PEA15: variants seen among roughly 807,000 people sequenced by gnomAD.
PEA15 encodes the protein astrocytic phosphoprotein PEA-15.
For missense variants in PEA15, 77 were observed against 161.3 expected (o/e 0.48, Z 2.83); for synonymous variants, 60 against 61.8 (o/e 0.97, Z 0.13).
At chr1:160,211,762 C>G in intron 2 of PEA15, 46 bp downstream of exon 2, 1 of 1,565,424 alleles carries the variant, frequency 6.4e-7, no homozygotes, top group Non-Finnish European at 8.7e-7. Flanking sequence ...CATTCAGGCT[C>G]AGTTCATTCA....
intron 1 of PEA15, chr1:160,211,230 TAACCGCCTCCTCAGTCAGGGG>T: frequency 1.0e-6 from 1 of 1,003,432 alleles, no homozygotes. Flanking sequence ...GTTGCTATGG[TAACCGCCTCCTCAGTCAGGGG>T]AACTGTTGCC....
intron 1 of PEA15, chr1:160,211,253 A>G (rs541151906): frequency 2.8e-6 from 3 of 1,073,530 alleles, no homozygotes; most frequent in Admixed American, 1.0e-4. Context: ...AGTCAGGGGA[A>G]CTGTTGCCAG....
At chr1:160,211,264 G>C in intron 1 of PEA15, 1 of 1,102,586 alleles carries the variant, frequency 9.1e-7, no homozygotes, top group Non-Finnish European at 1.1e-6. Context: ...CTGTTGCCAG[G>C]GTTACTGTTA....
In PEA15 at chr1:160,213,646, G is replaced by A; in HGVS notation, c.*160G>A. On this transcript the variant is annotated 3_prime_UTR_variant, in exon 4 of 4. Coordinates refer to ENST00000360472, the MANE Select transcript of PEA15 (RefSeq NM_003768.5). The surrounding 1 kb of genome is among the most constrained non-coding windows in gnomAD (Gnocchi z 5.3). ...TGTGTGTGCGTGTGCGCACGCTCTG[G>A]CTGTTTGTCTATATGTCTAGCTCAT... 2.1e-6 allele frequency: 1 copy of A among 480,572 alleles called. No homozygotes were observed. The highest frequency in any genetic ancestry group is 3.9e-6 in the Non-Finnish European group (1 of 259,114). 29.8% of individuals were successfully genotyped at this position (480,572 alleles called of 1,614,324 possible).
In PEA15 at chr1:160,213,191, G is replaced by A. The variant is rs771963563; in HGVS notation, c.254G>A (p.Arg85His). 6.2e-6 allele frequency: 10 copies of A among 1,614,142 alleles called. No homozygotes were observed. The highest frequency in any genetic ancestry group is 1.6e-4 in the Middle Eastern group (1 of 6,062). ...ACTATGGTGGTTGACTACAGAACCC[G>A]TGTGCTGAAGATCTCTGAGGAGGAT... ...LLTMVVDYRT[R>H]VLKISEEDEL... Residue 85 changes from arginine to histidine, a missense_variant, in exon 3 of 4, where the codon CGT (arginine) becomes CAT (histidine). Arg to His is a conservative substitution (Grantham distance 29). Transcript: ENST00000360472. This position sits in a 1 kb window ranked among gnomAD's most constrained non-coding sequence, Gnocchi z 5.3.
chr1:160,211,024 T>C (rs539439632), intron 1 of PEA15, among the ~76,000 whole-genome samples: 1 of 152,232 alleles, frequency 6.6e-6, no homozygotes, highest in South Asian at 2.1e-4. Flanking sequence ...CCCTTTGCCT[T>C]TGAGGCAGAA....
At position 160,208,111 on chromosome 1, in the gene PEA15, C is replaced by A. The variant is rs1205252549; in HGVS notation, c.-3+2589C>A. On this transcript the variant is annotated intron_variant, in intron 1 of 3. Coordinates refer to ENST00000360472, the MANE Select transcript of PEA15 (RefSeq NM_003768.5). The surrounding 1 kb of genome is among the most constrained non-coding windows in gnomAD (Gnocchi z 4.1). ...CTTAATGTCAAAATGCACAGAAATT[C>A]TTTTGGTGCTGCCACCTCCTCCACA... is the stretch of plus-strand genomic sequence containing the variant. The A allele has an allele frequency of 6.5e-6, 1 of 153,614 alleles. No individual in the cohort carries two copies. The highest frequency in any genetic ancestry group is 6.5e-5 in the Admixed American group (1 of 15,398). The allele number at this position is 153,614 out of a possible 1,614,324, so 9.5% of individuals were successfully genotyped here.
At chr1:160,207,008 C>A (rs575949284) in intron 1 of PEA15, 1 of 152,572 alleles carries the variant, frequency 6.6e-6, no homozygotes, top group South Asian at 2.1e-4. Context: ...AATCACAGAG[C>A]GCCTCACTCT....
In PEA15 at chr1:160,213,540, C is replaced by T. The variant is rs979267092; in HGVS notation, c.*54C>T. 2.0e-6 allele frequency: 3 copies of T among 1,535,150 alleles called. No individual in the cohort carries two copies. Among genetic ancestry groups the T allele is most frequent in the Non-Finnish European group, 1.8e-6 (2 of 1,109,616 alleles). ...GACCTTCATCAGACCACTCCCTTCC[C>T]CCATCCTCCAGGAGAGGGGGCAAGG... is the stretch of plus-strand genomic sequence containing the variant. On this transcript the variant is annotated 3_prime_UTR_variant, in exon 4 of 4. Coordinates refer to ENST00000360472, the MANE Select transcript of PEA15 (RefSeq NM_003768.5). The surrounding 1 kb of genome is among the most constrained non-coding windows in gnomAD (Gnocchi z 5.3).
rs1200402298 is a variant in PEA15 at position 160,213,183 on chromosome 1, C to T, written c.246C>T (p.Tyr82=). 3 of 1,614,070 alleles carry T rather than the reference C, an allele frequency of 1.9e-6. No individual in the cohort carries two copies. Among genetic ancestry groups the T allele is most frequent in the Non-Finnish European group, 1.7e-6 (2 of 1,180,020 alleles). The part of the protein sequence containing the change: ...RPDLLTMVVD[Y]RTRVLKISEE... ...ACCTACTCACTATGGTGGTTGACTACAGAACCCGTGTGCTGAAGATCTCTG... is the reference window on the plus strand; with the variant it reads ...ACCTACTCACTATGGTGGTTGACTATAGAACCCGTGTGCTGAAGATCTCTG... The change falls in exon 3 of 4, where the codon TAC becomes TAT. Residue 82 remains tyrosine (Y), a synonymous_variant. Coordinates refer to ENST00000360472, the MANE Select transcript of PEA15 (RefSeq NM_003768.5). The surrounding 1 kb of genome is among the most constrained non-coding windows in gnomAD (Gnocchi z 5.3).
chr1:160,210,645 G>A (rs1014354738), intron 1 of PEA15, among the ~76,000 whole-genome samples: 4 of 152,278 alleles, frequency 2.6e-5, no homozygotes, highest in Middle Eastern at 6.9e-3. Flanking sequence ...ATGTTGATAC[G>A]ATACGAGAAG....
chr1:160,208,538 C>A lies in PEA15; in HGVS notation c.-2-3005C>A. 4 of 1,403,684 alleles carry A rather than the reference C, an allele frequency of 2.8e-6. No individual in the cohort carries two copies. The highest frequency in any genetic ancestry group is 3.9e-6 in the Non-Finnish European group (4 of 1,013,740). 87.0% of individuals were successfully genotyped at this position (1,403,684 alleles called of 1,614,324 possible). On this transcript the variant is annotated intron_variant, in intron 1 of 3. Transcript: ENST00000360472. The surrounding 1 kb of genome is among the most constrained non-coding windows in gnomAD (Gnocchi z 4.1). ...TGCTCCAGAAATCAGGAGGATTTTT[C>A]AGAGCCCAGAGAGCAGATTTCTCCA...
chr1:160,211,246 CAG>C (rs982171806), intron 1 of PEA15: 4 of 1,063,964 alleles, frequency 3.8e-6, no homozygotes, highest in Admixed American at 5.3e-5. Flanking sequence ...CCTCCTCAGT[CAG>C]GGGAACTGTT....
intron 1 of PEA15, among the ~76,000 whole-genome samples, chr1:160,209,659 C>G (rs1654782993): frequency 6.6e-6 from 1 of 152,112 alleles, no homozygotes; most frequent in Non-Finnish European, 1.5e-5. Context: ...AGGGCTTGGC[C>G]CCAGAGTTTC....
At chr1:160,207,368 G>C (rs1654643527) in intron 1 of PEA15, 1 of 152,412 alleles carries the variant, frequency 6.6e-6, no homozygotes, top group Admixed American at 6.5e-5. Flanking sequence ...GAAGCAGGGA[G>C]TGCCACACCA....
intron 2 of PEA15, among the ~76,000 whole-genome samples, chr1:160,212,553 G>T (rs1358713995): frequency 6.6e-6 from 1 of 152,060 alleles, no homozygotes; most frequent in Non-Finnish European, 1.5e-5. Flanking sequence ...CAGAGGGGAG[G>T]AGCCAGGGAA....
In PEA15 at chr1:160,208,454, C is replaced by A; in HGVS notation, c.-3+2932C>A. On this transcript the variant is annotated intron_variant, in intron 1 of 3. Coordinates refer to ENST00000360472, the MANE Select transcript of PEA15 (RefSeq NM_003768.5). This position sits in a 1 kb window ranked among gnomAD's most constrained non-coding sequence, Gnocchi z 4.1. ...GGTTCCTGATTCCTGCCCTGGTATC[C>A]TGTCCCAAGAATGGCCTCCGCCCAG... 1.5e-6 allele frequency: 1 copy of A among 677,780 alleles called. No homozygotes were observed. The allele number at this position is 677,780 out of a possible 1,614,324, so 42.0% of individuals were successfully genotyped here. A position where few individuals can be genotyped will look rare whatever the true frequency, so the allele number is the denominator to read the frequency against.
At chr1:160,212,632 C>G (rs190420663) in intron 2 of PEA15, among the ~76,000 whole-genome samples, 1 of 152,182 alleles carries the variant, frequency 6.6e-6, no homozygotes, top group East Asian at 1.9e-4. Flanking sequence ...CTGGTGGTGT[C>G]CATACCTTCT....
At chr1:160,206,024 T>G (rs1210481444) in intron 1 of PEA15, 1 of 152,170 alleles carries the variant, frequency 6.6e-6, no homozygotes, top group Non-Finnish European at 1.5e-5. Flanking sequence ...AAGTGATGTA[T>G]ATCTAACGTA....
Sources: allele counts gnomAD v4.1 joint callset (sites outside exome capture counted in the v4.1 genomes callset), GRCh38; gene constraint gnomAD v4.1.1; non-coding constraint Gnocchi (gnomAD v3.1); transcripts MANE v1.5; gene names NCBI Gene and HGNC (gene_info 2026-07-23, HGNC 2026-07-21).